The following GINS1 variants were observed in gnomAD, a reference collection of about 807,000 sequenced individuals.
GINS1 encodes GINS complex subunit 1, also known as DNA replication complex GINS protein PSF1.
Under a neutral mutation model 34.9 loss-of-function variants are expected in GINS1, and 26 were observed. The observed-to-expected ratio is 0.74, with a 90% CI of 0.55 to 1.03. The LOEUF is 1.03. Among genes scored for constraint, GINS1 ranks in the 50% least tolerant of loss-of-function variants. The pLI, the probability that GINS1 is intolerant of heterozygous loss-of-function variation, is 0.00. For synonymous variants in GINS1, 97 were observed against 84.4 expected, an observed-to-expected ratio of 1.15 and a Z score of -0.82; for missense variants, 235 against 237.9, an observed-to-expected ratio of 0.99 and a Z score of 0.08.
At chr20:25,443,757 C>T (rs1232920111) in intron 6 of GINS1, among the ~76,000 whole-genome samples, 2 of 151,988 alleles carry the variant, frequency 1.3e-5, no homozygotes, top group East Asian at 1.9e-4. Context: ...GCTGGGATTA[C>T]AGGTGTGAGC....
At chr20:25,444,990 G>C (rs1476839922) in intron 6 of GINS1, among the ~76,000 whole-genome samples, 2 of 152,194 alleles carry the variant, frequency 1.3e-5, no homozygotes, top group Non-Finnish European at 2.9e-5. Context: ...TTGATAGGCT[G>C]TTGAGCCAGT....
chr20:25,413,754 A>T, intron 1 of GINS1, 36 bp from the exon 2 acceptor site: 1 of 1,185,474 alleles, frequency 8.4e-7, no homozygotes, highest in Non-Finnish European at 1.3e-6. Context: ...TTGGTGGGGA[A>T]ATCAGTGGAT....
At chr20:25,416,864 A>G (rs1417673408) in intron 2 of GINS1, among the ~76,000 whole-genome samples, 1 of 152,236 alleles carries the variant, frequency 6.6e-6, no homozygotes, top group South Asian at 2.1e-4. Flanking sequence ...CAAAAATGCA[A>G]AGTACCAAAT....
intron 5 of GINS1, among the ~76,000 whole-genome samples, chr20:25,435,727 TG>T (rs2090450445): frequency 8.0e-6 from 1 of 125,012 alleles, no homozygotes; most frequent in African/African-American, 3.1e-5. Flanking sequence ...ATCACACCAC[TG>T]CACTCCAGCA....
At chr20:25,442,630 C>T (rs960566157) in intron 6 of GINS1, among the ~76,000 whole-genome samples, 1 of 143,618 alleles carries the variant, frequency 7.0e-6, no homozygotes, top group Non-Finnish European at 1.5e-5. Context: ...TTTTTTGAGA[C>T]GGAGTCTTGC....
At chr20:25,413,072 T>C (rs958989870) in intron 1 of GINS1, among the ~76,000 whole-genome samples, 53 of 150,636 alleles carry the variant, frequency 3.5e-4, no homozygotes, top group Non-Finnish European at 6.5e-4. Context: ...TTTTTTTTTT[T>C]CTTTGAGACG....
chr20:25,409,415 G>C (rs543399216), intron 1 of GINS1, among the ~76,000 whole-genome samples: 1 of 152,254 alleles, frequency 6.6e-6, no homozygotes, highest in African/African-American at 2.4e-5. Flanking sequence ...CAGTGTTTGG[G>C]TTTTAGAGAC....
chr20:25,413,936 A>C, intron 2 of GINS1, 82 bp downstream of exon 2: 1 of 801,014 alleles, frequency 1.2e-6, no homozygotes, highest in Non-Finnish European at 2.2e-6. Context: ...TCACGCCTGT[A>C]ATCCCAGCAC....
chr20:25,418,180 C>T lies in GINS1; in HGVS notation c.315C>T (p.His105=). The change falls in exon 4 of 7, where the codon CAC becomes CAT. Residue 105 remains histidine, a synonymous_variant. Coordinates refer to ENST00000262460, the MANE Select transcript of GINS1 (RefSeq NM_021067.5). ...GSVLPNALRF[H]MAAEEMEWFN... Reference sequence around the variant, plus strand: ...TCTTGCCAAATGCATTACGATTTCACATGGCTGCTGAAGAAGTGAGTTAGC... The same window carrying T: ...TCTTGCCAAATGCATTACGATTTCATATGGCTGCTGAAGAAGTGAGTTAGC... The T allele has an allele frequency of 1.9e-6, 3 of 1,571,180 alleles. No individual in the cohort carries two copies. The highest frequency in any genetic ancestry group is 2.6e-6 in the Non-Finnish European group (3 of 1,140,408).
chr20:25,413,533 C>T, intron 1 of GINS1: 1 of 435,432 alleles, frequency 2.3e-6, no homozygotes, highest in Non-Finnish European at 4.1e-6. Flanking sequence ...TATGGTAATT[C>T]TGTGTGTAGC....
At chr20:25,445,772 C>G (rs970259723) in intron 6 of GINS1, 151 bp from the exon 7 acceptor site, 1 of 588,798 alleles carries the variant, frequency 1.7e-6, no homozygotes, top group South Asian at 2.1e-5. Flanking sequence ...CATGAGCCAC[C>G]GTACCCAGCC....
At chr20:25,427,484 TTG>T (rs1435742896) in intron 5 of GINS1, among the ~76,000 whole-genome samples, 1 of 152,112 alleles carries the variant, frequency 6.6e-6, no homozygotes, top group African/African-American at 2.4e-5. Context: ...ATGCCTGGCC[TTG>T]TTCTGTTTTT....
chr20:25,431,785 T>G (rs1272838265), intron 5 of GINS1, among the ~76,000 whole-genome samples: 1 of 152,094 alleles, frequency 6.6e-6, no homozygotes, highest in African/African-American at 2.4e-5. Context: ...TTGTCCAGGC[T>G]GGTCTTGAAC....
chr20:25,422,250 T>C (rs2090359977), intron 4 of GINS1, among the ~76,000 whole-genome samples: 1 of 152,024 alleles, frequency 6.6e-6, no homozygotes, highest in Non-Finnish European at 1.5e-5. Flanking sequence ...CTCCTGACTT[T>C]TGTGCAGACT....
intron 6 of GINS1, 32 bp from the exon 7 acceptor site, chr20:25,445,891 T>A (rs776971771): frequency 3.0e-6 from 4 of 1,329,890 alleles, no homozygotes. Flanking sequence ...TCATTTATTT[T>A]ACTCTTTCTC....
intron 4 of GINS1, among the ~76,000 whole-genome samples, chr20:25,418,578 G>A (rs1568800232): frequency 6.6e-6 from 1 of 152,170 alleles, no homozygotes; most frequent in Non-Finnish European, 1.5e-5. Context: ...TAAGGACATA[G>A]GATTGGAGTC....
intron 5 of GINS1, among the ~76,000 whole-genome samples, chr20:25,427,527 G>A (rs1051512882): frequency 3.3e-5 from 5 of 152,144 alleles, no homozygotes; most frequent in African/African-American, 7.2e-5. Context: ...GATGTAAAAC[G>A]TGGTTTTGAC....
chr20:25,428,969 C>CTCTTTTTTTTTTTTTTTTTTTTTT (rs2090410211), intron 5 of GINS1, among the ~76,000 whole-genome samples: 1 of 127,442 alleles, frequency 7.8e-6, no homozygotes, highest in Non-Finnish European at 1.6e-5. Flanking sequence ...ATTCCTCTCT[C>CTCTTTTTTTTTTTTTTTTTTTTTT]TTTTTTTTTT....
intron 5 of GINS1, among the ~76,000 whole-genome samples, chr20:25,437,309 C>T (rs1157181700): frequency 6.6e-6 from 1 of 152,258 alleles, no homozygotes; most frequent in African/African-American, 2.4e-5. Context: ...TGATCAGAAA[C>T]AGCAATCAGC....
Sources: allele counts gnomAD v4.1 joint callset (sites outside exome capture counted in the v4.1 genomes callset), GRCh38; gene constraint gnomAD v4.1.1; transcripts MANE v1.5; gene names NCBI Gene and HGNC (gene_info 2026-07-23, HGNC 2026-07-21).